ARHGAP24: variants seen among roughly 807,000 people sequenced by gnomAD.
ARHGAP24 encodes the protein rho GTPase-activating protein 24.
ARHGAP24 carries 50 observed loss-of-function variants against 76.4 expected under a neutral mutation model. That is an observed-to-expected ratio of 0.65 (90% confidence interval 0.52 to 0.83). ARHGAP24 has a LOEUF of 0.83. ARHGAP24 is among the 40% of genes least tolerant of loss of function. The probability of loss-of-function intolerance (pLI) is 0.00; values close to 1 mark genes in which losing one functional copy is unlikely to be tolerated. For synonymous variants in ARHGAP24, 345 were observed against 323.3 expected, an observed-to-expected ratio of 1.07 and a Z score of -0.72; for missense variants, 930 against 914.2, an observed-to-expected ratio of 1.02 and a Z score of -0.22.
intron 1 of ARHGAP24, among the ~76,000 whole-genome samples, chr4:85,494,879 A>C (rs893756552): frequency 2.0e-5 from 3 of 151,832 alleles, no homozygotes; most frequent in Non-Finnish European, 2.9e-5. Flanking sequence ...TGGGGAGATC[A>C]TGAGGTCAGG....
intron 3 of ARHGAP24, among the ~76,000 whole-genome samples, chr4:85,799,189 T>A (rs908420478): frequency 2.0e-5 from 3 of 152,124 alleles, no homozygotes; most frequent in Admixed American, 6.5e-5. Flanking sequence ...ATGTCCAGAT[T>A]TTGGTTTCTA....
At chr4:85,847,604 G>A (rs1730961079) in intron 3 of ARHGAP24, among the ~76,000 whole-genome samples, 1 of 152,164 alleles carries the variant, frequency 6.6e-6, no homozygotes, top group Admixed American at 6.5e-5. Context: ...TGTGTGATGA[G>A]CTTTCTAGGC....
chr4:85,825,091 A>G (rs67631333), intron 3 of ARHGAP24, among the ~76,000 whole-genome samples: 13,165 of 152,178 alleles, frequency 0.087, 907 homozygotes, highest in East Asian at 0.29. Context: ...CTTCATCTCA[A>G]AAAAACGAAA....
chr4:85,992,297 T>A (rs1219369511), intron 8 of ARHGAP24: 1 of 389,766 alleles, frequency 2.6e-6, no homozygotes, highest in East Asian at 3.6e-5. Flanking sequence ...TACAAGGGGC[T>A]ATGGCCATTT....
intron 3 of ARHGAP24, among the ~76,000 whole-genome samples, chr4:85,760,791 T>C (rs1478881399): frequency 6.6e-6 from 1 of 152,182 alleles, no homozygotes; most frequent in Admixed American, 6.5e-5. Flanking sequence ...CATTCTTACA[T>C]ATTGCATTCA....
At chr4:85,899,067 A>T (rs1734351555) in intron 3 of ARHGAP24, among the ~76,000 whole-genome samples, 1 of 152,228 alleles carries the variant, frequency 6.6e-6, no homozygotes, top group Admixed American at 6.5e-5. Flanking sequence ...TTTAATGACT[A>T]AAGATATAAG....
intron 4 of ARHGAP24, among the ~76,000 whole-genome samples, chr4:85,932,642 T>C (rs1736405981): frequency 6.6e-6 from 1 of 152,174 alleles, no homozygotes; most frequent in Non-Finnish European, 1.5e-5. Context: ...CGGGGGGCTA[T>C]TTTTAAAGGC....
intron 1 of ARHGAP24, among the ~76,000 whole-genome samples, chr4:85,511,119 A>G (rs1300852483): frequency 6.6e-6 from 1 of 152,244 alleles, no homozygotes; most frequent in Non-Finnish European, 1.5e-5. Context: ...ATTCAAAAGG[A>G]TAGAATTAAG....
chr4:85,634,870 C>A (rs555646226), intron 2 of ARHGAP24, among the ~76,000 whole-genome samples: 1 of 151,738 alleles, frequency 6.6e-6, no homozygotes, highest in South Asian at 2.1e-4. Context: ...GTGATTAATT[C>A]TTTCTCATTT....
At position 85,608,807 on chromosome 4, in the gene ARHGAP24, G is replaced by T. The variant is rs183171504; in HGVS notation, c.180+38086G>T. 3.9e-5 allele frequency among the ~76,000 whole-genome samples: 6 copies of T among 152,004 alleles called. No homozygotes were observed. In the South Asian group the frequency reaches 1.2e-3, roughly 32 times the overall value. On this transcript the variant is annotated intron_variant, in intron 2 of 9. Coordinates refer to ENST00000395184, the MANE Select transcript of ARHGAP24 (RefSeq NM_001025616.3). Reference sequence around the variant, plus strand: ...ACTCCTGACCTCAGGCAATCTGCACGCCTCAGCCTCCCAAAGTGTTGGGAT... The same window carrying T: ...ACTCCTGACCTCAGGCAATCTGCACTCCTCAGCCTCCCAAAGTGTTGGGAT...
intron 1 of ARHGAP24, among the ~76,000 whole-genome samples, chr4:85,509,101 A>C (rs1228031339): frequency 6.6e-6 from 1 of 150,704 alleles, no homozygotes; most frequent in South Asian, 2.1e-4. Context: ...AAGAACAAAA[A>C]ACCAAATACC....
chr4:85,624,458 C>G (rs1720854550), intron 2 of ARHGAP24, among the ~76,000 whole-genome samples: 1 of 152,126 alleles, frequency 6.6e-6, no homozygotes. Context: ...GGTGGATAAG[C>G]TTTTTGATGT....
intron 9 of ARHGAP24, among the ~76,000 whole-genome samples, chr4:85,997,322 T>C (rs1289585857): frequency 1.4e-5 from 2 of 143,186 alleles, no homozygotes; most frequent in South Asian, 2.5e-4. Flanking sequence ...GATAGATAGA[T>C]AGATGATAGA....
chr4:85,976,382 T>G (rs1337965700), intron 7 of ARHGAP24, among the ~76,000 whole-genome samples: 1 of 152,148 alleles, frequency 6.6e-6, no homozygotes, highest in Non-Finnish European at 1.5e-5. Context: ...TGCCCCTTAC[T>G]AACTCTGTCT....
chr4:85,487,193 A>G (rs1723094224), intron 1 of ARHGAP24, among the ~76,000 whole-genome samples: 1 of 136,540 alleles, frequency 7.3e-6, no homozygotes, highest in South Asian at 2.1e-4. Flanking sequence ...ATATATAAAA[A>G]TATATATTTA....
intron 5 of ARHGAP24, among the ~76,000 whole-genome samples, chr4:85,945,283 C>T (rs773240246): frequency 2.4e-4 from 36 of 152,056 alleles, no homozygotes; most frequent in African/African-American, 5.1e-4. Context: ...GCTGGGATTA[C>T]GGGCATGTGC....
intron 1 of ARHGAP24, among the ~76,000 whole-genome samples, chr4:85,528,627 A>G (rs989694361): frequency 1.3e-5 from 2 of 152,050 alleles, no homozygotes; most frequent in African/African-American, 2.4e-5. Context: ...TTGGGTTGAC[A>G]TGAGGATTAA....
chr4:85,760,727 G>A (rs888723436), intron 3 of ARHGAP24, among the ~76,000 whole-genome samples: 1 of 152,084 alleles, frequency 6.6e-6, no homozygotes, highest in African/African-American at 2.4e-5. Flanking sequence ...AAAACAGAAG[G>A]CCCGGAGCCA....
intron 1 of ARHGAP24, among the ~76,000 whole-genome samples, chr4:85,564,899 C>A (rs771746578): frequency 7.7e-6 from 1 of 130,266 alleles, no homozygotes; most frequent in Non-Finnish European, 1.6e-5. Context: ...GGTTGGGGAC[C>A]CCTGCTCTAG....
Sources: gnomAD v4.1 joint callset for allele counts (sites outside exome capture counted in the v4.1 genomes callset) on GRCh38, gnomAD v4.1.1 for gene constraint, MANE v1.5 for transcripts, NCBI Gene and HGNC (gene_info 2026-07-23, HGNC 2026-07-21) for gene names.